ULK4: variants seen among roughly 807,000 people sequenced by gnomAD.
The protein encoded by ULK4 is unc-51 like kinase 4.
A neutral mutation model predicts 160.6 loss-of-function variants in ULK4; 133 were observed. That is an observed-to-expected ratio of 0.83 (90% confidence interval 0.72 to 0.96). The LOEUF (loss-of-function observed/expected upper bound fraction) is 0.96, where lower values mean the gene tolerates loss of function less well. Ranked by LOEUF, ULK4 falls within the 40% of genes least tolerant of loss-of-function variation. The pLI is 0.00. For missense variants in ULK4, 1,580 were observed against 1,499.5 expected, an observed-to-expected ratio of 1.05 and a Z score of -0.89; for synonymous variants, 534 against 539.8, an observed-to-expected ratio of 0.99 and a Z score of 0.15.
chr3:41,680,235 C>T (rs1287437803), intron 29 of ULK4, among the ~76,000 whole-genome samples: 1 of 152,180 alleles, frequency 6.6e-6, no homozygotes, highest in African/African-American at 2.4e-5. Context: ...AAGGTACCTA[C>T]TGACAGTTTA....
chr3:41,341,765 C>G (rs184928818), intron 35 of ULK4, among the ~76,000 whole-genome samples: 1 of 152,160 alleles, frequency 6.6e-6, no homozygotes, highest in South Asian at 2.1e-4. Flanking sequence ...AGCATCCCCA[C>G]GGAGACCCCA....
At chr3:41,872,652 T>C (rs868709817) in intron 17 of ULK4, among the ~76,000 whole-genome samples, 4 of 151,878 alleles carry the variant, frequency 2.6e-5, no homozygotes, top group Admixed American at 6.6e-5. Context: ...AGATGCATTA[T>C]TATTATTATT....
chr3:41,655,352 G>A (rs2034896705), intron 30 of ULK4, among the ~76,000 whole-genome samples: 1 of 120,098 alleles, frequency 8.3e-6, no homozygotes, highest in African/African-American at 3.2e-5. Context: ...ACAGGAAGGG[G>A]AACATCACAC....
intron 32 of ULK4, among the ~76,000 whole-genome samples, chr3:41,532,486 T>C (rs558102375): frequency 2.0e-4 from 30 of 152,304 alleles, no homozygotes; most frequent in African/African-American, 6.7e-4. Flanking sequence ...TGTTTTTTAT[T>C]TTTTCCACAA....
intron 2 of ULK4, among the ~76,000 whole-genome samples, chr3:41,954,095 G>A (rs534148024): frequency 2.7e-5 from 4 of 150,600 alleles, no homozygotes; most frequent in Non-Finnish European, 5.9e-5. Context: ...GGAGAATGGC[G>A]TGAACCCGGG....
At chr3:41,777,151 G>A (rs1273133707) in intron 21 of ULK4, among the ~76,000 whole-genome samples, 98 of 64,870 alleles carry the variant, frequency 1.5e-3, no homozygotes, top group South Asian at 2.8e-3. Flanking sequence ...TTAGTCTTGG[G>A]AGAGTGTATG....
intron 32 of ULK4, among the ~76,000 whole-genome samples, chr3:41,511,075 A>G (rs914621861): frequency 1.3e-5 from 2 of 150,910 alleles, no homozygotes; most frequent in Middle Eastern, 3.4e-3. Context: ...AGGCAGGAGA[A>G]TGGCATGAAC....
intron 22 of ULK4, among the ~76,000 whole-genome samples, chr3:41,737,501 C>T (rs1450025103): frequency 6.6e-6 from 1 of 151,746 alleles, no homozygotes; most frequent in Non-Finnish European, 1.5e-5. Flanking sequence ...CTTCACAGAA[C>T]TGGAAAAAAC....
intron 32 of ULK4, among the ~76,000 whole-genome samples, chr3:41,529,088 G>C (rs943463647): frequency 8.5e-5 from 13 of 152,320 alleles, no homozygotes; most frequent in Non-Finnish European, 7.4e-5. Flanking sequence ...AGAGAAAGAA[G>C]AGCCAACTTG....
rs143924163 is a variant in ULK4, at chr3:41,439,307, T to C, written c.3492+16190A>G. 3.6e-3 allele frequency among the ~76,000 whole-genome samples: 546 copies of C among 152,256 alleles called. 1 individual carries two copies. Among genetic ancestry groups the C allele is most frequent in the Middle Eastern group, 0.024 (7 of 294 alleles). On this transcript the variant is annotated intron_variant, in intron 34 of 36. Coordinates refer to ENST00000301831, the MANE Select transcript of ULK4 (RefSeq NM_017886.4). The stretch of plus-strand genomic sequence containing the variant: ...TTGGGGACCCAGGGCAAGGTAACTA[T>C]AGTACCACTAGATAGAAAGCAGTTG...
intron 16 of ULK4, among the ~76,000 whole-genome samples, chr3:41,893,215 G>A (rs1210689432): frequency 6.6e-6 from 1 of 152,112 alleles, no homozygotes; most frequent in African/African-American, 2.4e-5. Flanking sequence ...GAAATGAATA[G>A]TGGTGATGGT....
At chr3:41,740,979 G>T (rs2038222785) in intron 22 of ULK4, among the ~76,000 whole-genome samples, 1 of 151,916 alleles carries the variant, frequency 6.6e-6, no homozygotes, top group African/African-American at 2.4e-5. Context: ...TCCATAGTCT[G>T]CACTGGCTGC....
rs542704299 is a variant in ULK4 at position 41,593,468 on chromosome 3, G to A, written c.3120+22201C>T. Among the ~76,000 whole-genome samples the A allele has an allele frequency of 7.6e-4, 116 of 152,220 alleles. 2 individuals are homozygous for A. Among genetic ancestry groups the A allele is most frequent in the African/African-American group, 2.6e-3 (107 of 41,532 alleles). The stretch of plus-strand genomic sequence containing the variant: ...ACTGAAATCTGAACCATGTTGCAGG[G>A]GAACTGGAGTTATTTAACCAAACCA... On this transcript the variant is annotated intron_variant, in intron 31 of 36. Transcript: ENST00000301831.
intron 32 of ULK4, among the ~76,000 whole-genome samples, chr3:41,509,534 A>G (rs187620402): frequency 3.2e-4 from 48 of 152,338 alleles, no homozygotes; most frequent in Admixed American, 1.1e-3. Context: ...CAGGTTATCT[A>G]AAGTCAGGAC....
intron 22 of ULK4, among the ~76,000 whole-genome samples, chr3:41,748,863 C>T (rs1259289367): frequency 6.6e-6 from 1 of 152,096 alleles, no homozygotes; most frequent in African/African-American, 2.4e-5. Context: ...TAGATGATTC[C>T]ATGGCTGTGT....
intron 16 of ULK4, among the ~76,000 whole-genome samples, chr3:41,885,451 T>C (rs1575884580): frequency 1.3e-5 from 2 of 152,162 alleles, no homozygotes; most frequent in Non-Finnish European, 2.9e-5. Flanking sequence ...AGGTTCCTTC[T>C]CAAAATTCAG....
rs188962962 is a variant in ULK4 at position 41,391,506 on chromosome 3, T to C, written c.3678+6573A>G. Among the ~76,000 whole-genome samples, 123 of 151,962 alleles carry C rather than the reference T, an allele frequency of 8.1e-4. 1 individual carries two copies. The highest frequency in any genetic ancestry group is 2.6e-3 in the African/African-American group (106 of 41,460). ...TATAATTTTACCTTTTTATTATACC[T>C]CAAGGAATATTTCTTTACTTTTCTA... On this transcript the variant is annotated intron_variant, in intron 35 of 36. Coordinates refer to ENST00000301831, the MANE Select transcript of ULK4 (RefSeq NM_017886.4).
chr3:41,388,478 G>T (rs2081875800), intron 35 of ULK4, among the ~76,000 whole-genome samples: 1 of 152,012 alleles, frequency 6.6e-6, no homozygotes, highest in Non-Finnish European at 1.5e-5. Context: ...GTATTGCCTA[G>T]GTTTTCATCT....
chr3:41,367,128 A>G (rs951996814), intron 35 of ULK4, among the ~76,000 whole-genome samples: 1 of 152,096 alleles, frequency 6.6e-6, no homozygotes, highest in Non-Finnish European at 1.5e-5. Context: ...GGCCTTTGGG[A>G]TCCCCTGTGG....
Sources: gnomAD v4.1 joint callset for allele counts (sites outside exome capture counted in the v4.1 genomes callset) on GRCh38, gnomAD v4.1.1 for gene constraint, MANE v1.5 for transcripts, NCBI Gene and HGNC (gene_info 2026-07-23, HGNC 2026-07-21) for gene names.